The following OXSR1 variants were observed in gnomAD, a reference collection of about 807,000 sequenced individuals.
The protein encoded by OXSR1 is oxidative stress responsive kinase 1.
Under a neutral mutation model 79.8 loss-of-function variants are expected in OXSR1, and 24 were observed. The ratio of observed to expected loss-of-function variants is 0.30; its 90% CI spans 0.22 to 0.42. OXSR1 has a LOEUF of 0.42. Ranked by LOEUF, OXSR1 falls within the 10% of genes least tolerant of loss-of-function variation. OXSR1 has a pLI of 1.00. For synonymous variants in OXSR1, 226 were observed against 209.2 expected (o/e 1.08, Z -0.69); for missense variants, 430 against 618.4 (o/e 0.70, Z 3.23).
intron 4 of OXSR1, among the ~76,000 whole-genome samples, chr3:38,199,840 AC>A (rs1174899772): frequency 6.6e-6 from 1 of 152,098 alleles, no homozygotes; most frequent in Admixed American, 6.5e-5. Flanking sequence ...CTCAGGACTC[AC>A]GGGTCTGTGA....
chr3:38,179,141 C>G (rs1701733773), intron 1 of OXSR1, among the ~76,000 whole-genome samples: 1 of 151,806 alleles, frequency 6.6e-6, no homozygotes, highest in Non-Finnish European at 1.5e-5. Context: ...AGCGATCCTC[C>G]TACCTCACGC....
rs143343010 is a variant in OXSR1 at position 38,242,803 on chromosome 3, C to T, written c.1110+25C>T. On this transcript the variant is annotated intron_variant, in intron 12 of 17. Coordinates refer to ENST00000311806, the MANE Select transcript of OXSR1 (RefSeq NM_005109.3). ...GGTAAGTAATTGTGATTATTGAATC[C>T]TTGTTAAAGTAAATGTGCTTTTGTT... is the stretch of plus-strand genomic sequence containing the variant. 3.6e-6 allele frequency: 5 copies of T among 1,402,122 alleles called. 1 individual carries two copies. Among genetic ancestry groups the T allele is most frequent in the African/African-American group, 2.9e-5 (2 of 69,856 alleles). The allele number at this position is 1,402,122 out of a possible 1,614,324, so 86.9% of individuals were successfully genotyped here. A position where few individuals can be genotyped will look rare whatever the true frequency, so the allele number is the denominator to read the frequency against.
chr3:38,165,679 C>T lies in OXSR1; in HGVS notation c.-198C>T, dbSNP rs1559495199. ...GACTCGGAGGAGCAGGAGGCGAGGT[C>T]CGCCGGAGCTCTGAGCCCCCGCTGC... On this transcript the variant is annotated 5_prime_UTR_variant, in exon 1 of 18. Coordinates refer to ENST00000311806, the MANE Select transcript of OXSR1 (RefSeq NM_005109.3). 13 of 538,814 alleles carry T rather than the reference C, an allele frequency of 2.4e-5. No homozygotes were observed. The highest frequency in any genetic ancestry group is 4.2e-5 in the Non-Finnish European group (13 of 306,816). 33.4% of individuals were successfully genotyped at this position (538,814 alleles called of 1,614,324 possible). A position where few individuals can be genotyped will look rare whatever the true frequency, so the allele number is the denominator to read the frequency against.
At chr3:38,242,467 C>T (rs770699661) in intron 11 of OXSR1, among the ~76,000 whole-genome samples, 1 of 152,086 alleles carries the variant, frequency 6.6e-6, no homozygotes, top group Non-Finnish European at 1.5e-5. Flanking sequence ...GTGACAGTCC[C>T]ATTATGTATG....
At chr3:38,176,345 G>A (rs1210790751) in intron 1 of OXSR1, among the ~76,000 whole-genome samples, 1 of 152,090 alleles carries the variant, frequency 6.6e-6, no homozygotes, top group Non-Finnish European at 1.5e-5. Context: ...TTGGTGAATA[G>A]TTAAAATAAT....
At chr3:38,221,337 C>T (rs952623130) in intron 5 of OXSR1, among the ~76,000 whole-genome samples, 3 of 151,992 alleles carry the variant, frequency 2.0e-5, no homozygotes, top group African/African-American at 7.2e-5. Context: ...TTAGGCTGTT[C>T]TTGAACTCCT....
At chr3:38,182,041 A>T (rs985742379) in intron 1 of OXSR1, among the ~76,000 whole-genome samples, 2 of 152,016 alleles carry the variant, frequency 1.3e-5, no homozygotes, top group South Asian at 4.1e-4. Context: ...ATCCTATTTA[A>T]TTCTTCTCTT....
intron 1 of OXSR1, among the ~76,000 whole-genome samples, chr3:38,169,128 A>G (rs1342676299): frequency 6.6e-5 from 10 of 152,198 alleles, no homozygotes; most frequent in Admixed American, 5.9e-4. Flanking sequence ...GCGTGTAACC[A>G]TCCTAGTGAC....
intron 8 of OXSR1, among the ~76,000 whole-genome samples, chr3:38,225,391 A>G (rs1322321318): frequency 2.0e-5 from 3 of 152,102 alleles, no homozygotes; most frequent in Non-Finnish European, 4.4e-5. Context: ...TATTCCACTC[A>G]GCTTCTTAGC....
intron 4 of OXSR1, among the ~76,000 whole-genome samples, chr3:38,199,602 T>C (rs1702126695): frequency 1.3e-5 from 2 of 152,254 alleles, no homozygotes; most frequent in Non-Finnish European, 2.9e-5. Context: ...TCTTAGTAGT[T>C]AAGTGCCCTG....
At chr3:38,232,127 G>A (rs138826551) in intron 10 of OXSR1, among the ~76,000 whole-genome samples, 19 of 151,880 alleles carry the variant, frequency 1.3e-4, no homozygotes, top group Non-Finnish European at 2.4e-4. Context: ...AAAGAAGAGC[G>A]AGCCTCAGAC....
intron 4 of OXSR1, among the ~76,000 whole-genome samples, chr3:38,207,281 T>A (rs938579829): frequency 1.3e-5 from 2 of 152,206 alleles, no homozygotes; most frequent in Non-Finnish European, 2.9e-5. Flanking sequence ...CTGTAGAAGA[T>A]AATTTTGTTT....
At chr3:38,218,768 A>G (rs926711909) in intron 5 of OXSR1, among the ~76,000 whole-genome samples, 9 of 152,072 alleles carry the variant, frequency 5.9e-5, no homozygotes, top group Admixed American at 1.3e-4. Context: ...CTTTTCTCCT[A>G]TGTTTTAAGA....
At chr3:38,213,750 A>G (rs953422957) in intron 4 of OXSR1, among the ~76,000 whole-genome samples, 3 of 152,308 alleles carry the variant, frequency 2.0e-5, no homozygotes, top group Admixed American at 2.0e-4. Flanking sequence ...CTTTTTATGA[A>G]TCCACAATAC....
chr3:38,188,903 A>G (rs1351002603), intron 2 of OXSR1, among the ~76,000 whole-genome samples: 4 of 152,116 alleles, frequency 2.6e-5, no homozygotes, highest in Non-Finnish European at 5.9e-5. Flanking sequence ...GTATTTGTCT[A>G]ACTTCTTTAC....
intron 10 of OXSR1, among the ~76,000 whole-genome samples, chr3:38,231,282 A>G (rs1702801122): frequency 6.6e-6 from 1 of 152,170 alleles, no homozygotes; most frequent in Admixed American, 6.5e-5. Flanking sequence ...TTAGAGATAT[A>G]TCTTTTTCAG....
intron 10 of OXSR1, among the ~76,000 whole-genome samples, chr3:38,233,403 A>G (rs951907214): frequency 6.6e-6 from 1 of 152,186 alleles, no homozygotes; most frequent in African/African-American, 2.4e-5. Context: ...TCTGCAGTGA[A>G]GCAAACTCCA....
At chr3:38,200,043 G>C (rs1702135063) in intron 4 of OXSR1, among the ~76,000 whole-genome samples, 1 of 152,208 alleles carries the variant, frequency 6.6e-6, no homozygotes, top group African/African-American at 2.4e-5. Context: ...GATGCCAGCT[G>C]TGCTGACTGG....
At chr3:38,208,194 C>G (rs189434537) in intron 4 of OXSR1, among the ~76,000 whole-genome samples, 1 of 151,776 alleles carries the variant, frequency 6.6e-6, no homozygotes, top group African/African-American at 2.4e-5. Context: ...CAAATGTTTC[C>G]TCTTTGGCCG....
Sources: gnomAD v4.1 joint callset for allele counts (sites outside exome capture counted in the v4.1 genomes callset) on GRCh38, gnomAD v4.1.1 for gene constraint, MANE v1.5 for transcripts, NCBI Gene and HGNC (gene_info 2026-07-23, HGNC 2026-07-21) for gene names.